RALYL: variants seen among roughly 807,000 people sequenced by gnomAD.
RALYL encodes RNA-binding Raly-like protein.
In RALYL, 29 loss-of-function variants were observed where a neutral mutation model predicts 35.1. The observed-to-expected ratio is 0.83, with a 90% CI of 0.61 to 1.13. The LOEUF (loss-of-function observed/expected upper bound fraction) is 1.13, where lower values mean the gene tolerates loss of function less well. Ranked by LOEUF, RALYL falls within the 50% of genes most tolerant of loss-of-function variation. The pLI, the probability that RALYL is intolerant of heterozygous loss-of-function variation, is 0.00. For missense variants in RALYL, 359 were observed against 360.4 expected (o/e 1.00, Z 0.03); for synonymous variants, 120 against 127.6 (o/e 0.94, Z 0.40).
At chr8:84,586,263 T>C (rs1811987505) in intron 2 of RALYL, among the ~76,000 whole-genome samples, 1 of 152,006 alleles carries the variant, frequency 6.6e-6, no homozygotes, top group Non-Finnish European at 1.5e-5. Context: ...AAAGGCACTG[T>C]CCTTGTTAAA....
intron 1 of RALYL, among the ~76,000 whole-genome samples, chr8:84,470,328 C>G (rs2052551102): frequency 6.6e-6 from 1 of 152,064 alleles, no homozygotes; most frequent in Admixed American, 6.5e-5. Context: ...CAGATGAAAA[C>G]TGAATTCCCA....
chr8:84,555,147 C>T (rs563863169), intron 2 of RALYL, among the ~76,000 whole-genome samples: 1 of 152,078 alleles, frequency 6.6e-6, no homozygotes, highest in Admixed American at 6.5e-5. Context: ...GGCGTGGTGG[C>T]ACACGCCTGT....
At chr8:84,877,996 C>A (rs1198964231) in intron 7 of RALYL, among the ~76,000 whole-genome samples, 1 of 152,156 alleles carries the variant, frequency 6.6e-6, no homozygotes, top group African/African-American at 2.4e-5. Context: ...AGCAGCTGGA[C>A]AGGAGGTATA....
intron 2 of RALYL, among the ~76,000 whole-genome samples, chr8:84,610,184 G>A (rs73294082): frequency 0.071 from 10,801 of 151,876 alleles, 961 homozygotes; most frequent in African/African-American, 0.21. Flanking sequence ...AGTTTTTACC[G>A]AATGTCTTTT....
At chr8:84,770,153 A>T (rs1345420638) in intron 2 of RALYL, among the ~76,000 whole-genome samples, 1 of 152,090 alleles carries the variant, frequency 6.6e-6, no homozygotes, top group African/African-American at 2.4e-5. Flanking sequence ...CCACCCTAGC[A>T]GTATACACTA....
intron 2 of RALYL, among the ~76,000 whole-genome samples, chr8:84,762,752 T>C (rs2133385460): frequency 6.6e-6 from 1 of 152,280 alleles, no homozygotes; most frequent in African/African-American, 2.4e-5. Context: ...CACAAGATCA[T>C]TGTCAGATTT....
chr8:84,493,428 A>T (rs2055581426), intron 1 of RALYL, among the ~76,000 whole-genome samples: 1 of 152,154 alleles, frequency 6.6e-6, no homozygotes, highest in South Asian at 2.1e-4. Context: ...TTGGGTATAT[A>T]CCAAGTAATG....
At chr8:84,463,038 T>C (rs2133426661) in intron 1 of RALYL, among the ~76,000 whole-genome samples, 1 of 152,126 alleles carries the variant, frequency 6.6e-6, no homozygotes, top group African/African-American at 2.4e-5. Context: ...GGTTCATCCT[T>C]TTGAGAAATA....
chr8:84,655,779 C>T (rs1314419929), intron 2 of RALYL, among the ~76,000 whole-genome samples: 1 of 151,830 alleles, frequency 6.6e-6, no homozygotes, highest in African/African-American at 2.4e-5. Flanking sequence ...TACTGTATAT[C>T]CTCAATGAAT....
chr8:84,456,026 A>T (rs1391012092), intron 1 of RALYL, among the ~76,000 whole-genome samples: 1 of 151,982 alleles, frequency 6.6e-6, no homozygotes, highest in Non-Finnish European at 1.5e-5. Flanking sequence ...CAACTCAGGC[A>T]TACCCTCTCT....
At chr8:84,248,624 T>C (rs1211553872) in intron 1 of RALYL, among the ~76,000 whole-genome samples, 7 of 152,112 alleles carry the variant, frequency 4.6e-5, no homozygotes, top group Admixed American at 4.6e-4. Flanking sequence ...TGTGAGGCTG[T>C]AGATGGAGAA....
intron 1 of RALYL, among the ~76,000 whole-genome samples, chr8:84,406,100 C>G (rs2043465120): frequency 6.6e-6 from 1 of 150,378 alleles, no homozygotes; most frequent in Non-Finnish European, 1.5e-5. Flanking sequence ...TTAACTGTAC[C>G]ACCTATTTTT....
chr8:84,857,287 G>C (rs568433777), intron 5 of RALYL, among the ~76,000 whole-genome samples: 62 of 152,180 alleles, frequency 4.1e-4, no homozygotes, highest in African/African-American at 1.5e-3. Context: ...ATCAGGTTTT[G>C]CCTCTGGGTA....
chr8:84,433,074 T>G (rs1328164196), intron 1 of RALYL, among the ~76,000 whole-genome samples: 1 of 152,180 alleles, frequency 6.6e-6, no homozygotes, highest in Non-Finnish European at 1.5e-5. Context: ...TCCTATTTTA[T>G]ATAGTCTAAT....
intron 1 of RALYL, among the ~76,000 whole-genome samples, chr8:84,483,251 T>C (rs1464338409): frequency 6.6e-6 from 1 of 152,078 alleles, no homozygotes; most frequent in Non-Finnish European, 1.5e-5. Flanking sequence ...ATGATACTTT[T>C]CTAATACTCT....
chr8:84,824,599 C>A (rs916754695), intron 4 of RALYL, among the ~76,000 whole-genome samples: 8 of 152,112 alleles, frequency 5.3e-5, no homozygotes, highest in African/African-American at 1.9e-4. Flanking sequence ...CATTACATTA[C>A]CCAACTTCTA....
intron 7 of RALYL, among the ~76,000 whole-genome samples, chr8:84,884,760 A>C (rs778094551): frequency 2.7e-4 from 41 of 152,088 alleles, no homozygotes; most frequent in Non-Finnish European, 5.4e-4. Flanking sequence ...TAAAAAATTT[A>C]TAAGATTCAA....
intron 5 of RALYL, among the ~76,000 whole-genome samples, chr8:84,855,733 T>TA (rs1180764286): frequency 3.3e-5 from 5 of 152,236 alleles, no homozygotes; most frequent in Non-Finnish European, 7.3e-5. Flanking sequence ...TCTGCAATGT[T>TA]AGCTGTCTAA....
intron 1 of RALYL, among the ~76,000 whole-genome samples, chr8:84,355,931 G>T (rs189124670): frequency 1.3e-5 from 2 of 150,108 alleles, no homozygotes; most frequent in Admixed American, 1.3e-4. Flanking sequence ...TGGAGGAGGG[G>T]CCTAATGGGA....
Sources: allele counts gnomAD v4.1 joint callset (sites outside exome capture counted in the v4.1 genomes callset), GRCh38; gene constraint gnomAD v4.1.1; transcripts MANE v1.5; gene names NCBI Gene and HGNC (gene_info 2026-07-23, HGNC 2026-07-21).